IGF1R: variants seen among roughly 807,000 people sequenced by gnomAD.
IGF1R encodes insulin like growth factor 1 receptor.
IGF1R carries 44 observed loss-of-function variants against 144.6 expected under a neutral mutation model. The ratio of observed to expected loss-of-function variants is 0.30; its 90% CI spans 0.24 to 0.39. IGF1R has a LOEUF of 0.39. Among genes scored for constraint, IGF1R ranks in the 10% least tolerant of loss-of-function variants. The pLI is 1.00. For synonymous variants in IGF1R, 795 were observed against 722.8 expected, an observed-to-expected ratio of 1.10 and a Z score of -1.60; for missense variants, 1,355 against 1,833.7, an observed-to-expected ratio of 0.74 and a Z score of 4.77.
chr15:98,951,413 C>T (rs570288095), intron 20 of IGF1R, among the ~76,000 whole-genome samples: 1 of 152,358 alleles, frequency 6.6e-6, no homozygotes, highest in East Asian at 1.9e-4. Flanking sequence ...CCTTTTCTTG[C>T]CCAGTATAGA....
intron 2 of IGF1R, among the ~76,000 whole-genome samples, chr15:98,762,589 G>A (rs191766605): frequency 6.6e-5 from 10 of 152,098 alleles, no homozygotes; most frequent in South Asian, 2.1e-4. Context: ...TTAGCTGGGC[G>A]TGGTGGCACG....
At chr15:98,870,272 A>G (rs1390796121) in intron 2 of IGF1R, among the ~76,000 whole-genome samples, 1 of 152,178 alleles carries the variant, frequency 6.6e-6, no homozygotes, top group Non-Finnish European at 1.5e-5. Context: ...TCTCTCTTCC[A>G]CCTAGGCCCT....
rs188213352 is a variant in IGF1R at position 98,927,674 on chromosome 15, A to G, written c.2783-1884A>G. ...CTCTGAGTGTTTTTAGGAATTGCAAAATGCTGGAGCCTGCATCCATTTTGA... is the reference window on the plus strand; with the variant it reads ...CTCTGAGTGTTTTTAGGAATTGCAAGATGCTGGAGCCTGCATCCATTTTGA... On this transcript the variant is annotated intron_variant, in intron 13 of 20. Coordinates refer to ENST00000650285, the MANE Select transcript of IGF1R (RefSeq NM_000875.5). 9.9e-5 allele frequency among the ~76,000 whole-genome samples: 15 copies of G among 152,282 alleles called. No homozygotes were observed. The East Asian group carries it at 2.7e-3, about 27-fold the overall frequency.
At chr15:98,651,003 C>T in intron 1 of IGF1R, 3 of 985,210 alleles carry the variant, frequency 3.0e-6, no homozygotes, top group Non-Finnish European at 3.6e-6. Context: ...CTGGTACATT[C>T]AAGATGGTAG....
At chr15:98,870,366 G>A (rs537647069) in intron 2 of IGF1R, among the ~76,000 whole-genome samples, 1 of 152,310 alleles carries the variant, frequency 6.6e-6, no homozygotes, top group Admixed American at 6.5e-5. Context: ...TAAAATGATG[G>A]GGCTGCAGGA....
intron 2 of IGF1R, among the ~76,000 whole-genome samples, chr15:98,868,370 T>TGG (rs5814907): frequency 0.012 from 1,444 of 122,758 alleles, 12 homozygotes; most frequent in Middle Eastern, 0.014. Flanking sequence ...TTTTTTTTTT[T>TGG]GGGGGGGGGG....
intron 12 of IGF1R, 144 bp downstream of exon 12, chr15:98,924,156 C>G: frequency 1.2e-6 from 1 of 847,318 alleles, no homozygotes; most frequent in Admixed American, 1.9e-5. Flanking sequence ...TTGGGTCTTT[C>G]TACCCACTCT....
chr15:98,764,418 A>G (rs1325643776), intron 2 of IGF1R, among the ~76,000 whole-genome samples: 3 of 152,226 alleles, frequency 2.0e-5, no homozygotes, highest in African/African-American at 4.8e-5. Flanking sequence ...TGCTAAAATA[A>G]TTAACCTTCC....
rs1293190768 is a variant in IGF1R at position 98,649,515 on chromosome 15, CTTTTCTTTTCTT to C, written c.-62_-51del. Reference sequence around the variant, plus strand: ...TTGTTTCCTTTCATTTCCTTTTTTTCTTTTCTTTTCTTTTTTTTTTTTTTTTTTTTTTTTGAG... The same window carrying C: ...TTGTTTCCTTTCATTTCCTTTTTTTCTTTTTTTTTTTTTTTTTTTTTTGAG... On this transcript the variant is annotated 5_prime_UTR_variant, in exon 1 of 21. Coordinates refer to ENST00000650285, the MANE Select transcript of IGF1R (RefSeq NM_000875.5). 1 of 956,748 alleles carries C rather than the reference CTTTTCTTTTCTT, an allele frequency of 1.0e-6. No homozygotes were observed. The highest frequency in any genetic ancestry group is 2.2e-5 in the African/African-American group (1 of 45,634). 59.3% of individuals were successfully genotyped at this position (956,748 alleles called of 1,614,324 possible).
Position 98,908,898 on chromosome 15 carries a change from C to T in IGF1R, c.1461C>T (p.Ser487=). The T allele has an allele frequency of 6.2e-7, 1 of 1,612,824 alleles. No homozygotes were observed. Among genetic ancestry groups the T allele is most frequent in the Non-Finnish European group, 8.5e-7 (1 of 1,179,274 alleles). Reference sequence around the variant, plus strand: ...CCAGGAACAACGGGGAGAGAGCCTCCTGTGAGTGACAGCATCCAAAACACC... The same window carrying T: ...CCAGGAACAACGGGGAGAGAGCCTCTTGTGAGTGACAGCATCCAAAACACC... ...INTRNNGERA[S]CESDVLHFTS... The change falls in exon 6 of 21, where the codon TCC becomes TCT. Residue 487 remains serine (S), a splice_region_variant and synonymous_variant. Coordinates refer to ENST00000650285, the MANE Select transcript of IGF1R (RefSeq NM_000875.5).
rs946143304 is a variant in IGF1R, at chr15:98,704,230, G to A, written c.95-3332G>A. ...ATATAAAATGACTTTTTAGAGAAGC[G>A]AGAAGAGAAATGAGAGGTAGGGGAG... On this transcript the variant is annotated intron_variant, in intron 1 of 20. Coordinates refer to ENST00000650285, the MANE Select transcript of IGF1R (RefSeq NM_000875.5). This position sits in a 1 kb window ranked among gnomAD's most constrained non-coding sequence, Gnocchi z 4.9. 1.1e-4 allele frequency among the ~76,000 whole-genome samples: 16 copies of A among 152,096 alleles called. No homozygotes were observed. The highest frequency in any genetic ancestry group is 1.8e-4 in the Non-Finnish European group (12 of 68,028).
rs555719570 is a variant in IGF1R, at chr15:98,912,796, A to G, written c.1590-248A>G. On this transcript the variant is annotated intron_variant, in intron 7 of 20. Coordinates refer to ENST00000650285, the MANE Select transcript of IGF1R (RefSeq NM_000875.5). ...GTTTTTGCATATGTTCTTAAGGAAT[A>G]GTAACTATTGAATCCCAGTAACTGT... 2.6e-5 allele frequency among the ~76,000 whole-genome samples: 4 copies of G among 152,364 alleles called. No homozygotes were observed. The South Asian group carries it at 8.3e-4, about 32-fold the overall frequency.
chr15:98,936,877 C>T (rs1015868229), intron 17 of IGF1R, among the ~76,000 whole-genome samples: 2 of 152,070 alleles, frequency 1.3e-5, no homozygotes, highest in African/African-American at 2.4e-5. Flanking sequence ...CTGGCCCTCT[C>T]TGTGTCTCTG....
intron 10 of IGF1R, among the ~76,000 whole-genome samples, chr15:98,918,105 G>A (rs1567198075): frequency 6.6e-6 from 1 of 152,120 alleles, no homozygotes; most frequent in Non-Finnish European, 1.5e-5. Context: ...TGTGGGAAAG[G>A]AGATGGAAGC....
chr15:98,774,433 A>G (rs527342754), intron 2 of IGF1R, among the ~76,000 whole-genome samples: 1 of 152,342 alleles, frequency 6.6e-6, no homozygotes, highest in South Asian at 2.1e-4. Context: ...AGGCATGGAA[A>G]ATGCAGGGTT....
chr15:98,888,202 C>T (rs908452813), intron 2 of IGF1R, among the ~76,000 whole-genome samples: 2 of 152,192 alleles, frequency 1.3e-5, no homozygotes, highest in Non-Finnish European at 2.9e-5. Context: ...ACAGGATTGT[C>T]GCTGATCCTG....
At position 98,949,787 on chromosome 15, in the gene IGF1R, T is replaced by C. The variant is rs139355042; in HGVS notation, c.3722+1079T>C. Among the ~76,000 whole-genome samples, 3 of 152,324 alleles carry C rather than the reference T, an allele frequency of 2.0e-5. 1 individual carries two copies. The highest frequency in any genetic ancestry group is 4.4e-5 in the Non-Finnish European group (3 of 68,026). Reference sequence around the variant, plus strand: ...TGAGGCCTCTCTGCTCAGCGCCCCCTGGAGAAGCCCCCCTTTTGGTGGAGG... The same window carrying C: ...TGAGGCCTCTCTGCTCAGCGCCCCCCGGAGAAGCCCCCCTTTTGGTGGAGG... On this transcript the variant is annotated intron_variant, in intron 20 of 20. Transcript: ENST00000650285.
intron 2 of IGF1R, among the ~76,000 whole-genome samples, chr15:98,738,104 C>T (rs2141309091): frequency 6.6e-6 from 1 of 152,314 alleles, no homozygotes; most frequent in South Asian, 2.1e-4. Context: ...AATCCTATGA[C>T]AGATGGGCCT....
chr15:98,764,254 G>A (rs117847597), intron 2 of IGF1R, among the ~76,000 whole-genome samples: 1,759 of 152,270 alleles, frequency 0.012, 45 homozygotes, highest in Admixed American at 0.065. Context: ...AAAAGTCACA[G>A]AAAATCTTGT....
Sources: allele counts gnomAD v4.1 joint callset (sites outside exome capture counted in the v4.1 genomes callset), GRCh38; gene constraint gnomAD v4.1.1; non-coding constraint Gnocchi (gnomAD v3.1); transcripts MANE v1.5; gene names NCBI Gene and HGNC (gene_info 2026-07-23, HGNC 2026-07-21).